The following MCTP2 variants were observed in gnomAD, a reference collection of about 807,000 sequenced individuals.
MCTP2 encodes multiple C2 and transmembrane domain-containing protein 2.
Under a neutral mutation model 111.6 loss-of-function variants are expected in MCTP2, and 132 were observed. That is an observed-to-expected ratio of 1.18 (90% confidence interval 1.03 to 1.37). The LOEUF is 1.37. MCTP2 is among the 40% of genes most tolerant of loss of function. The pLI, the probability that MCTP2 is intolerant of heterozygous loss-of-function variation, is 0.00. For missense variants in MCTP2, 1,183 were observed against 1,067.9 expected (o/e 1.11, Z -1.50); for synonymous variants, 395 against 387.7 (o/e 1.02, Z -0.22).
rs10574224 is a variant in MCTP2, at chr15:94,476,605, CAGATAGATAGATAGATAGAT to C, written c.2471-63_2471-44del. On this transcript the variant is annotated intron_variant, in intron 21 of 22. Coordinates refer to ENST00000357742, the MANE Select transcript of MCTP2 (RefSeq NM_001385001.1). Reference sequence around the variant, plus strand: ...GCTAGATAGATAGATGATTGACTGACAGATAGATAGATAGATAGATAGATAGATAGATAGATAGATAGATA... The same window carrying C: ...GCTAGATAGATAGATGATTGACTGACAGATAGATAGATAGATAGATAGATA... 4.0e-3 allele frequency: 2,566 copies of C among 637,712 alleles called. 41 individuals are homozygous for C. The highest frequency in any genetic ancestry group is 0.036 in the African/African-American group (1,874 of 52,494). The allele number at this position is 637,712 out of a possible 1,614,324, so 39.5% of individuals were successfully genotyped here. A position where few individuals can be genotyped will look rare whatever the true frequency, so the allele number is the denominator to read the frequency against.
rs78228220 is a variant in MCTP2 at position 94,253,288 on chromosome 15, T to C, written c.-66+21624T>C. 6.6e-3 allele frequency among the ~76,000 whole-genome samples: 998 copies of C among 152,328 alleles called. 15 individuals carry two copies. Among genetic ancestry groups the C allele is most frequent in the African/African-American group, 0.022 (929 of 41,560 alleles). ...TAGACTATATAGTGTGTCTCAACTT[T>C]GATAACTTATCAGTCTTCCACCTTA... On this transcript the variant is annotated intron_variant, in intron 1 of 22. Coordinates refer to ENST00000357742, the MANE Select transcript of MCTP2 (RefSeq NM_001385001.1).
chr15:94,356,876 G>A (rs147889996), intron 9 of MCTP2, among the ~76,000 whole-genome samples: 7 of 151,968 alleles, frequency 4.6e-5, no homozygotes, highest in East Asian at 1.9e-4. Flanking sequence ...TCCAAATTCC[G>A]TTTAATTTTT....
intron 14 of MCTP2, among the ~76,000 whole-genome samples, chr15:94,394,765 A>C (rs531779750): frequency 6.6e-6 from 1 of 152,278 alleles, no homozygotes; most frequent in South Asian, 2.1e-4. Context: ...ACTCCATCTC[A>C]AAGAAAGAAA....
chr15:94,464,257 T>TATTATATATATATATATATTATATA (rs4001978), intron 20 of MCTP2, among the ~76,000 whole-genome samples: 16 of 44,942 alleles, frequency 3.6e-4, no homozygotes, highest in African/African-American at 8.4e-4. Flanking sequence ...TATATATATA[T>TATTATATATATATATATATTATATA]TATATATATA....
intron 20 of MCTP2, among the ~76,000 whole-genome samples, chr15:94,459,297 A>G (rs1260960090): frequency 6.6e-6 from 1 of 152,200 alleles, no homozygotes; most frequent in African/African-American, 2.4e-5. Flanking sequence ...AAACCAAGGG[A>G]AAGCCTTATG....
intron 1 of MCTP2, among the ~76,000 whole-genome samples, chr15:94,243,775 G>GT (rs2071365541): frequency 7.0e-6 from 1 of 143,542 alleles, no homozygotes; most frequent in Non-Finnish European, 1.5e-5. Context: ...ATATATTTAT[G>GT]AACATATATA....
At chr15:94,241,846 T>C (rs557662902) in intron 1 of MCTP2, among the ~76,000 whole-genome samples, 2 of 151,948 alleles carry the variant, frequency 1.3e-5, no homozygotes, top group South Asian at 2.1e-4. Flanking sequence ...TTTATTTTTG[T>C]CTTTAAAATG....
chr15:94,436,075 G>A (rs2083461468), intron 17 of MCTP2, among the ~76,000 whole-genome samples: 1 of 152,046 alleles, frequency 6.6e-6, no homozygotes. Context: ...CAACTTTAGC[G>A]GCATTCACAT....
chr15:94,389,704 A>G (rs1049525332), intron 14 of MCTP2, among the ~76,000 whole-genome samples: 5 of 152,124 alleles, frequency 3.3e-5, no homozygotes, highest in African/African-American at 1.2e-4. Flanking sequence ...ATAATACCTT[A>G]TTTTAGGTTT....
chr15:94,447,652 C>T (rs1471531337), intron 19 of MCTP2, among the ~76,000 whole-genome samples: 2 of 152,178 alleles, frequency 1.3e-5, no homozygotes, highest in Non-Finnish European at 2.9e-5. Flanking sequence ...TCTGGGATTA[C>T]AGGCATGAGC....
chr15:94,442,821 C>T (rs578077449), intron 18 of MCTP2, 98 bp from the exon 19 acceptor site: 1 of 978,124 alleles, frequency 1.0e-6, no homozygotes, highest in African/African-American at 1.6e-5. Context: ...AATATAAATG[C>T]TTGAAGTCTG....
chr15:94,241,596 G>A (rs12917301), intron 1 of MCTP2, among the ~76,000 whole-genome samples: 15,563 of 152,144 alleles, frequency 0.1, 897 homozygotes, highest in African/African-American at 0.13. Context: ...ATGTGATTAA[G>A]CATAGGATAG....
At chr15:94,439,455 C>A (rs1596715012) in intron 17 of MCTP2, among the ~76,000 whole-genome samples, 1 of 151,794 alleles carries the variant, frequency 6.6e-6, no homozygotes. Flanking sequence ...TCACTCCTGC[C>A]TCATGTTATA....
At chr15:94,308,895 A>C (rs1352185532) in intron 2 of MCTP2, among the ~76,000 whole-genome samples, 1 of 152,144 alleles carries the variant, frequency 6.6e-6, no homozygotes. Flanking sequence ...TAATTTACTG[A>C]CTGTTTTATA....
rs777928045 is a variant in MCTP2, at chr15:94,385,588, C to G, written c.1788+63C>G. 16 of 1,141,982 alleles carry G rather than the reference C, an allele frequency of 1.4e-5. No homozygotes were observed. The African/African-American group carries it at 1.7e-4, about 12-fold the overall frequency. The allele number at this position is 1,141,982 out of a possible 1,614,324, so 70.7% of individuals were successfully genotyped here. A position where few individuals can be genotyped will look rare whatever the true frequency, so the allele number is the denominator to read the frequency against. On this transcript the variant is annotated intron_variant, in intron 14 of 22. Coordinates refer to ENST00000357742, the MANE Select transcript of MCTP2 (RefSeq NM_001385001.1). ...TTTATAGTTGATGAGTTTCTATGGT[C>G]TAGAGTTGCTTTATCTTTGTCAACC...
chr15:94,293,349 TAACTC>T (rs1472269426), intron 1 of MCTP2, among the ~76,000 whole-genome samples: 2 of 152,314 alleles, frequency 1.3e-5, no homozygotes, highest in East Asian at 1.9e-4. Flanking sequence ...AGAACTCTCA[TAACTC>T]AACAATAAGA....
intron 1 of MCTP2, among the ~76,000 whole-genome samples, chr15:94,260,284 T>C (rs1204113046): frequency 1.3e-5 from 2 of 152,184 alleles, no homozygotes. Flanking sequence ...GCCATCTCTT[T>C]AGCATTCCTT....
In MCTP2 at chr15:94,476,605, C is replaced by CAGATAGAT. The variant is rs10574224; in HGVS notation, c.2471-51_2471-44dup. ...GCTAGATAGATAGATGATTGACTGA[C>CAGATAGAT]AGATAGATAGATAGATAGATAGATA... On this transcript the variant is annotated intron_variant, in intron 21 of 22. Transcript: ENST00000357742. The CAGATAGAT allele has an allele frequency of 8.3e-3, 5,304 of 637,632 alleles. 34 individuals are homozygous for CAGATAGAT. The highest frequency in any genetic ancestry group is 8.3e-3 in the Admixed American group (314 of 37,772). 39.5% of individuals were successfully genotyped at this position (637,632 alleles called of 1,614,324 possible).
chr15:94,454,570 T>TA (rs921137304), intron 19 of MCTP2, among the ~76,000 whole-genome samples: 21 of 150,408 alleles, frequency 1.4e-4, no homozygotes, highest in African/African-American at 3.9e-4. Context: ...TCAGTTAACT[T>TA]AAACATTCTC....
Sources: gnomAD v4.1 joint callset for allele counts (sites outside exome capture counted in the v4.1 genomes callset) on GRCh38, gnomAD v4.1.1 for gene constraint, MANE v1.5 for transcripts, NCBI Gene and HGNC (gene_info 2026-07-23, HGNC 2026-07-21) for gene names.